SLC12A9: variants seen among roughly 807,000 people sequenced by gnomAD.
SLC12A9 encodes the protein solute carrier family 12 member 9, also known as CCC-interacting protein 1.
Under a neutral mutation model 66.0 loss-of-function variants are expected in SLC12A9, and 55 were observed. The ratio of observed to expected loss-of-function variants is 0.83; its 90% CI spans 0.67 to 1.04. The LOEUF (loss-of-function observed/expected upper bound fraction) is 1.04, where lower values mean the gene tolerates loss of function less well. Among genes scored for constraint, SLC12A9 ranks in the 50% least tolerant of loss-of-function variants. SLC12A9 has a pLI of 0.00. For missense variants in SLC12A9, 1,061 were observed against 1,241.9 expected (o/e 0.85, Z 2.19); for synonymous variants, 577 against 569.0 (o/e 1.01, Z -0.20).
rs1293398685 is a variant in SLC12A9, at chr7:100,826,915, C to A, written n.96C>A. ...AGAGGCCGGCCCCTCCACTCCGAGGCCCAGATGTTGGGGGGGAGGTCCCAG... is the reference window on the plus strand; with the variant it reads ...AGAGGCCGGCCCCTCCACTCCGAGGACCAGATGTTGGGGGGGAGGTCCCAG... On this transcript the variant is annotated non_coding_transcript_exon_variant, in exon 1 of 2. Transcript: ENST00000461016. 7.8e-6 allele frequency: 12 copies of A among 1,528,858 alleles called. No individual in the cohort carries two copies. The African/African-American group carries it at 1.7e-4, about 21-fold the overall frequency. The allele number at this position is 1,528,858 out of a possible 1,614,324, so 94.7% of individuals were successfully genotyped here.
intron 1 of SLC12A9, among the ~76,000 whole-genome samples, chr7:100,847,650 G>A (rs1335864933): frequency 6.6e-6 from 1 of 152,124 alleles, no homozygotes; most frequent in African/African-American, 2.4e-5. Flanking sequence ...ATTGTCTATG[G>A]TGTGGATGTT....
rs748401861 is a variant in SLC12A9 at position 100,861,350 on chromosome 7, C to A, written c.1344-42C>A. 7.4e-6 allele frequency: 12 copies of A among 1,611,400 alleles called. No homozygotes were observed. The Admixed American group carries it at 8.3e-5, about 11-fold the overall frequency. On this transcript the variant is annotated intron_variant, in intron 10 of 13. Transcript: ENST00000354161. This position sits in a 1 kb window ranked among gnomAD's most constrained non-coding sequence, Gnocchi z 5.3. ...CTGGGGACTGCAGCCTCGTGTGCGG[C>A]CTGCCCTGAGTTTCTGTCCCTCCTC...
chr7:100,859,210 TG>T (rs1376536650), intron 7 of SLC12A9, 49 bp downstream of exon 7: 6 of 1,522,802 alleles, frequency 3.9e-6, no homozygotes, highest in Admixed American at 1.7e-5. Flanking sequence ...TTGGTGCACC[TG>T]GGTCACCAAG....
intron 12 of SLC12A9, 52 bp from the exon 13 acceptor site, chr7:100,862,629 A>T: frequency 6.2e-7 from 1 of 1,603,944 alleles, no homozygotes; most frequent in South Asian, 1.1e-5. Flanking sequence ...ACTCTAGGAG[A>T]CATTGAGTTT....
In SLC12A9 at chr7:100,865,833, G is replaced by A. The variant is rs1346782956; in HGVS notation, c.1973G>A (p.Ser658Asn). ...SEPADSTREG[S>N]SPALSTLFPP... The stretch of plus-strand genomic sequence containing the variant: ...CCTGCAGACAGCACCAGGGAGGGCA[G>A]TTCCCCAGCTCTGAGCACCCTGTTC... Residue 658 changes from serine to asparagine, a missense_variant, in exon 14 of 14, where the codon AGT (serine) becomes AAT (asparagine). By Grantham distance (46) the Ser-to-Asn change is conservative. Coordinates refer to ENST00000354161, the MANE Select transcript of SLC12A9 (RefSeq NM_020246.4). 4 of 1,613,900 alleles carry A rather than the reference G, an allele frequency of 2.5e-6. No individual in the cohort carries two copies. Among genetic ancestry groups the A allele is most frequent in the East Asian group, 4.5e-5 (2 of 44,868 alleles).
intron 1 of SLC12A9, chr7:100,837,417 C>T (rs1813682997): frequency 6.6e-6 from 1 of 152,254 alleles, no homozygotes; most frequent in African/African-American, 2.4e-5. Flanking sequence ...GCAGAAAAAG[C>T]GGCGGTGTGG....
At chr7:100,852,885 C>T (rs1584689935) in intron 1 of SLC12A9, 50 bp downstream of exon 1, 1 of 152,226 alleles carries the variant, frequency 6.6e-6, no homozygotes, top group Non-Finnish European at 1.5e-5. Flanking sequence ...TGCACCTGGC[C>T]GGGGAGAAGG....
At chr7:100,836,374 G>T (rs1394905891) in intron 1 of SLC12A9, among the ~76,000 whole-genome samples, 1 of 152,134 alleles carries the variant, frequency 6.6e-6, no homozygotes, top group Non-Finnish European at 1.5e-5. Flanking sequence ...GCCAGGGGAA[G>T]GTAGGCCGGG....
At chr7:100,841,312 T>A (rs1389062508) in intron 1 of SLC12A9, among the ~76,000 whole-genome samples, 1 of 151,726 alleles carries the variant, frequency 6.6e-6, no homozygotes, top group African/African-American at 2.4e-5. Context: ...TGTAAAACTA[T>A]TTAAAAAAAA....
At chr7:100,837,724 T>G (rs796872487) in intron 1 of SLC12A9, 11 of 152,408 alleles carry the variant, frequency 7.2e-5, no homozygotes, top group African/African-American at 2.4e-4. Flanking sequence ...ATGGGCAAGG[T>G]CATACCTCAT....
At position 100,854,617 on chromosome 7, in the gene SLC12A9, C is replaced by T. The variant is rs3735695; in HGVS notation, c.182-3C>T. ...GTGACCTGATTTGCTGCTCCTGCCT[C>T]AGGGTTCGTGGTGGGTCATGCTGGG... On this transcript the variant is annotated splice_region_variant and splice_polypyrimidine_tract_variant and intron_variant, in intron 2 of 13. Coordinates refer to ENST00000354161, the MANE Select transcript of SLC12A9 (RefSeq NM_020246.4). 18,088 of 1,613,950 alleles carry T rather than the reference C, an allele frequency of 0.011. 2,279 individuals carry two copies. The Admixed American group carries it at 0.24, about 22-fold the overall frequency.
chr7:100,861,404 C>A lies in SLC12A9; in HGVS notation c.1356C>A (p.Ser452Arg). 1.2e-6 allele frequency: 2 copies of A among 1,613,678 alleles called. No individual in the cohort carries two copies. Among genetic ancestry groups the A allele is most frequent in the Non-Finnish European group, 1.7e-6 (2 of 1,179,952 alleles). Residue 452 changes from serine to arginine, a missense_variant, in exon 11 of 14, where the codon AGC (serine) becomes AGA (arginine). By Grantham distance (110) the Ser-to-Arg change is moderately radical. Transcript: ENST00000354161. The surrounding 1 kb of genome is among the most constrained non-coding windows in gnomAD (Gnocchi z 5.3). ...TCCATGCCCGCAGCCCCACCTTCAGCCTGTTCTCCTGGCACACCTGCCTGC... is the reference window on the plus strand; with the variant it reads ...TCCATGCCCGCAGCCCCACCTTCAGACTGTTCTCCTGGCACACCTGCCTGC... ...ASAPNFRPTF[S>R]LFSWHTCLLG...
chr7:100,864,576 A>C (rs1319406552), intron 13 of SLC12A9, among the ~76,000 whole-genome samples: 2 of 151,992 alleles, frequency 1.3e-5, no homozygotes, highest in Non-Finnish European at 2.9e-5. Context: ...TCAAAAATTA[A>C]GAACGAAGAG....
intron 13 of SLC12A9, among the ~76,000 whole-genome samples, chr7:100,864,697 G>A (rs1814972921): frequency 6.6e-6 from 1 of 152,174 alleles, no homozygotes; most frequent in South Asian, 2.1e-4. Flanking sequence ...ACCTGCCCCA[G>A]TACCTACCAG....
chr7:100,853,052 G>A (rs1814163393), intron 1 of SLC12A9, among the ~76,000 whole-genome samples: 1 of 152,008 alleles, frequency 6.6e-6, no homozygotes, highest in Non-Finnish European at 1.5e-5. Flanking sequence ...GTGGGGAGGG[G>A]TGCCTCGTGT....
intron 1 of SLC12A9, among the ~76,000 whole-genome samples, chr7:100,828,374 A>G (rs1288717934): frequency 2.0e-5 from 3 of 151,688 alleles, no homozygotes; most frequent in Non-Finnish European, 4.4e-5. Flanking sequence ...CCCCGTCTCT[A>G]CTAAAAATAC....
chr7:100,856,003 C>A, intron 4 of SLC12A9, 166 bp downstream of exon 4: 1 of 1,077,256 alleles, frequency 9.3e-7, no homozygotes, highest in Non-Finnish European at 1.3e-6. Flanking sequence ...TATGGACATC[C>A]CTGAGATTGT....
At chr7:100,840,734 GA>G (rs1230343907) in intron 1 of SLC12A9, among the ~76,000 whole-genome samples, 1 of 151,000 alleles carries the variant, frequency 6.6e-6, no homozygotes, top group East Asian at 1.9e-4. Flanking sequence ...AAGAAAGAAA[GA>G]AAGAGAGATA....
In SLC12A9 at chr7:100,865,955, C is replaced by T. The variant is rs759895417; in HGVS notation, c.2095C>T (p.Leu699=). Residue 699 remains leucine (L), a synonymous_variant, in exon 14 of 14, where the codon CTG becomes TTG. Transcript: ENST00000354161. ...DALKMNKNVV[L]ARASGALPPE... is the part of the protein sequence containing the mutation. ...CCTCAAGATGAACAAGAATGTGGTGCTGGCCCGGGCCAGCGGGGCCTTGCC... is the reference window on the plus strand; with the variant it reads ...CCTCAAGATGAACAAGAATGTGGTGTTGGCCCGGGCCAGCGGGGCCTTGCC... The T allele has an allele frequency of 3.1e-6, 5 of 1,613,202 alleles. No individual in the cohort carries two copies. The Admixed American group carries it at 6.7e-5, about 22-fold the overall frequency.
Sources: gnomAD v4.1 joint callset for allele counts (sites outside exome capture counted in the v4.1 genomes callset) on GRCh38, gnomAD v4.1.1 for gene constraint, Gnocchi (gnomAD v3.1) non-coding constraint, MANE v1.5 for transcripts, NCBI Gene and HGNC (gene_info 2026-07-23, HGNC 2026-07-21) for gene names.